The following CES2 variants were observed in gnomAD, a reference collection of about 807,000 sequenced individuals.
CES2 encodes cocaine esterase.
A neutral mutation model predicts 52.1 loss-of-function variants in CES2; 42 were observed. The ratio of observed to expected loss-of-function variants is 0.81; its 90% CI spans 0.63 to 1.04. The LOEUF (loss-of-function observed/expected upper bound fraction) is 1.04, where lower values mean the gene tolerates loss of function less well. Ranked by LOEUF, CES2 falls within the 50% of genes least tolerant of loss-of-function variation. CES2 has a pLI of 0.00. For missense variants in CES2, 656 were observed against 724.3 expected (o/e 0.91, Z 1.08); for synonymous variants, 277 against 289.6 (o/e 0.96, Z 0.44).
At chr16:66,942,393 A>C in intron 9 of CES2, 144 bp downstream of exon 9, 7 of 947,342 alleles carry the variant, frequency 7.4e-6, no homozygotes, top group Non-Finnish European at 1.1e-5. Flanking sequence ...GTAAATCCTC[A>C]TGGCTAGCCC....
In CES2 at chr16:66,940,294, G is replaced by A. The variant is rs1567548105; in HGVS notation, c.496G>A (p.Ala166Thr). The A allele has an allele frequency of 1.2e-6, 2 of 1,614,142 alleles. No individual in the cohort carries two copies. Among genetic ancestry groups the A allele is most frequent in the Non-Finnish European group, 1.7e-6 (2 of 1,180,028 alleles). Residue 166 changes from alanine to threonine, a missense_variant, in exon 4 of 12, where the codon GCC becomes ACC. By Grantham distance (58) the Ala-to-Thr change is moderately conservative (BLOSUM62 0). Transcript: ENST00000317091. Reference protein sequence around the residue: ...ASLYDGSMLAALENVVVVIIQ... With the variant: ...ASLYDGSMLATLENVVVVIIQ... ...CTTGTATGATGGTTCCATGCTGGCT[G>A]CCTTGGAGAACGTGGTGGTGGTCAT...
chr16:66,941,345 T>C lies in CES2; in HGVS notation c.915+123T>C, dbSNP rs555079382. 4 of 1,522,774 alleles carry C rather than the reference T, an allele frequency of 2.6e-6. No individual in the cohort carries two copies. The African/African-American group carries it at 5.5e-5, about 21-fold the overall frequency. 94.3% of individuals were successfully genotyped at this position (1,522,774 alleles called of 1,614,324 possible). ...TCTGCATGCCTGAGTGTCATAGCCC[T>C]GGGTCGGGACTGAAGGTCGGTGCAT... On this transcript the variant is annotated intron_variant, in intron 6 of 11. Coordinates refer to ENST00000317091, the MANE Select transcript of CES2 (RefSeq NM_001365405.1).
chr16:66,942,248 G>T lies in CES2; in HGVS notation c.1281G>T (p.Gln427His). 6.2e-7 allele frequency: 1 copy of T among 1,609,704 alleles called. No homozygotes were observed. Among genetic ancestry groups the T allele is most frequent in the East Asian group, 2.2e-5 (1 of 44,796 alleles). Residue 427 changes from glutamine (Q) to histidine (H), a missense_variant and splice_region_variant, in exon 9 of 12, where the codon CAG (glutamine) becomes CAT (histidine). Transcript: ENST00000317091. Reference sequence around the variant, plus strand: ...CTGCACTCCAAGTAGCACATTTTCAGTGTGAGTATATTTGGACCAAAGCCT... The same window carrying T: ...CTGCACTCCAAGTAGCACATTTTCATTGTGAGTATATTTGGACCAAAGCCT... ...VIPALQVAHFQCSRAPVYFYE... is the reference protein window; with the variant it reads ...VIPALQVAHFHCSRAPVYFYE...
Position 66,943,249 on chromosome 16 carries a change from G to A in CES2, c.1421-50G>A. The A allele has an allele frequency of 6.3e-7, 1 of 1,594,414 alleles. No individual in the cohort carries two copies. Among genetic ancestry groups the A allele is most frequent in the Non-Finnish European group, 8.6e-7 (1 of 1,163,640 alleles). On this transcript the variant is annotated intron_variant, in intron 10 of 11. Transcript: ENST00000317091. The surrounding 1 kb of genome is among the most constrained non-coding windows in gnomAD (Gnocchi z 4.2). ...GCCAAGGACGAGCTCCACCTGGGAT[G>A]CTGAGGTTGGACATCCTGATGAAGA...
intron 3 of CES2, 29 bp downstream of exon 3, chr16:66,939,387 G>A (rs772005229): frequency 3.7e-6 from 6 of 1,612,156 alleles, no homozygotes; most frequent in South Asian, 1.1e-5. Flanking sequence ...TTCACTGGGG[G>A]TTGGAGGACA....
Position 66,938,120 on chromosome 16 carries a change from G to C in CES2, c.160G>C (p.Gly54Arg), listed in dbSNP as rs564606983. 1 of 1,614,118 alleles carries C rather than the reference G, an allele frequency of 6.2e-7. No individual in the cohort carries two copies. The highest frequency in any genetic ancestry group is 8.5e-7 in the Non-Finnish European group (1 of 1,179,998). Residue 54 changes from glycine to arginine, a missense_variant, in exon 2 of 12, where the codon GGG (glycine) becomes CGG (arginine). By Grantham distance (125) the Gly-to-Arg change is moderately radical (BLOSUM62 -2). Transcript: ENST00000317091. Reference sequence around the variant, plus strand: ...TGTCCATGTGAAGGGCGCCAATGCCGGGGTCCAAACCTTCCTGGGAATTCC... The same window carrying C: ...TGTCCATGTGAAGGGCGCCAATGCCCGGGTCCAAACCTTCCTGGGAATTCC... ...SLVHVKGANAGVQTFLGIPFA... is the reference protein window; with the variant it reads ...SLVHVKGANARVQTFLGIPFA...
chr16:66,942,452 G>A lies in CES2; in HGVS notation c.1283-196G>A, dbSNP rs568579343. On this transcript the variant is annotated intron_variant, in intron 9 of 11. Transcript: ENST00000317091. ...TCACAGACGAGCAAATTGAAGTTAG[G>A]GACCTTCAGTGACTTGCCCAAGATG... The A allele has an allele frequency of 2.5e-5, 20 of 796,352 alleles. No individual in the cohort carries two copies. In the African/African-American group the frequency reaches 3.1e-4, roughly 12 times the overall value. 49.3% of individuals were successfully genotyped at this position (796,352 alleles called of 1,614,324 possible). A position where few individuals can be genotyped will look rare whatever the true frequency, so the allele number is the denominator to read the frequency against.
At position 66,943,378 on chromosome 16, in the gene CES2, C is replaced by G. The variant is rs1174579766; in HGVS notation, c.1493+7C>G. The G allele has an allele frequency of 1.2e-6, 2 of 1,613,994 alleles. No individual in the cohort carries two copies. Among genetic ancestry groups the G allele is most frequent in the Non-Finnish European group, 8.5e-7 (1 of 1,179,922 alleles). On this transcript the variant is annotated splice_region_variant and intron_variant, in intron 11 of 11. Coordinates refer to ENST00000317091, the MANE Select transcript of CES2 (RefSeq NM_001365405.1). This position sits in a 1 kb window ranked among gnomAD's most constrained non-coding sequence, Gnocchi z 4.2. ...CCAACTTTGCGAGAAATGGGTGAGA[C>G]AGCACACCCCTGCCTCAACCTCCCC...
rs926447283 is a variant in CES2 at position 66,935,845 on chromosome 16, A to T, written c.76+134A>T. The T allele has an allele frequency of 9.7e-6, 15 of 1,545,572 alleles. No individual in the cohort carries two copies. In the African/African-American group the frequency reaches 2.0e-4, roughly 21 times the overall value. ...TGGAGATGACAGCGTGGAACTCGTG[A>T]GCCCCACGCAACGCCTCCCCGCCGC... On this transcript the variant is annotated intron_variant, in intron 1 of 11. Transcript: ENST00000317091.
chr16:66,938,011 C>G (rs748494673), intron 1 of CES2, 26 bp from the exon 2 acceptor site: 6 of 1,602,828 alleles, frequency 3.7e-6, no homozygotes, highest in East Asian at 4.5e-5. Flanking sequence ...CAAACCCAAC[C>G]GTGATGTCTG....
At chr16:66,940,800 C>T (rs1465735999) in intron 5 of CES2, 105 bp downstream of exon 5, 4 of 1,388,194 alleles carry the variant, frequency 2.9e-6, no homozygotes, top group East Asian at 2.5e-5. Context: ...GGAGCATGCT[C>T]CAGGAGCTGC....
rs1027708917 is a variant in CES2, at chr16:66,936,103, C to A, written c.76+392C>A. 5.5e-6 allele frequency: 5 copies of A among 911,750 alleles called. No individual in the cohort carries two copies. In the African/African-American group the frequency reaches 8.6e-5, roughly 16 times the overall value. 56.5% of individuals were successfully genotyped at this position (911,750 alleles called of 1,614,324 possible). On this transcript the variant is annotated intron_variant, in intron 1 of 11. Coordinates refer to ENST00000317091, the MANE Select transcript of CES2 (RefSeq NM_001365405.1). ...TAACAGTAATAGCTTCTGGCAGCAT[C>A]TGGCTCTCAGTGTGTGGCGTCCTTG...
In CES2 at chr16:66,944,201, G is replaced by T; in HGVS notation, c.*176G>T. On this transcript the variant is annotated 3_prime_UTR_variant, in exon 12 of 12. Coordinates refer to ENST00000317091, the MANE Select transcript of CES2 (RefSeq NM_001365405.1). Reference sequence around the variant, plus strand: ...ATTAAGAATTTACTCAGGCATGATGGCCCATACTTGTAATCCCAGCTATTG... The same window carrying T: ...ATTAAGAATTTACTCAGGCATGATGTCCCATACTTGTAATCCCAGCTATTG... The T allele has an allele frequency of 2.3e-6, 1 of 443,432 alleles. No individual in the cohort carries two copies. The highest frequency in any genetic ancestry group is 3.5e-5 in the East Asian group (1 of 28,454). 27.5% of individuals were successfully genotyped at this position (443,432 alleles called of 1,614,324 possible).
rs531650688 is a variant in CES2 at position 66,939,579 on chromosome 16, G to A, written c.423+221G>A. ...CCCAGAGGTCAAAGGCTGTGGCTCT[G>A]GGCTGGACCCAGGACTCACTCAGCC... On this transcript the variant is annotated intron_variant, in intron 3 of 11. Coordinates refer to ENST00000317091, the MANE Select transcript of CES2 (RefSeq NM_001365405.1). 5.6e-4 allele frequency among the ~76,000 whole-genome samples: 86 copies of A among 152,344 alleles called. 1 individual carries two copies. The highest frequency in any genetic ancestry group is 2.0e-3 in the African/African-American group (82 of 41,580).
At position 66,943,837 on chromosome 16, in the gene CES2, A is replaced by G; in HGVS notation, c.1494-2A>G. 6.3e-7 allele frequency: 1 copy of G among 1,588,550 alleles called. No homozygotes were observed. Among genetic ancestry groups the G allele is most frequent in the South Asian group, 1.1e-5 (1 of 88,628 alleles). ...TGCCCTGCTGGGATGGCATGTCTACAGGAACCCCAATGGCGAGGGTCTGCC... is the reference window on the plus strand; with the variant it reads ...TGCCCTGCTGGGATGGCATGTCTACGGGAACCCCAATGGCGAGGGTCTGCC... On this transcript the variant is annotated splice_acceptor_variant, in intron 11 of 11. Coordinates refer to ENST00000317091, the MANE Select transcript of CES2 (RefSeq NM_001365405.1). LOFTEE classifies it high-confidence loss of function. The surrounding 1 kb of genome is among the most constrained non-coding windows in gnomAD (Gnocchi z 4.2).
chr16:66,936,246 G>A (rs1297064787), intron 1 of CES2, among the ~76,000 whole-genome samples: 1 of 152,278 alleles, frequency 6.6e-6, no homozygotes, highest in South Asian at 2.1e-4. Flanking sequence ...ACAGTGGCTG[G>A]GTGCGATTGG....
At position 66,944,872 on chromosome 16, in the gene CES2, C is replaced by T. The variant is rs1216983908; in HGVS notation, c.*847C>T. 1 of 152,310 alleles carries T rather than the reference C, an allele frequency of 6.6e-6. No individual in the cohort carries two copies. The highest frequency in any genetic ancestry group is 1.9e-4 in the East Asian group (1 of 5,198). 9.4% of individuals were successfully genotyped at this position (152,310 alleles called of 1,614,324 possible). ...CCACTGAGCTGTGGATGGGCAAACC[C>T]CGGTGGAATCCCACCCTCCCCAACA... On this transcript the variant is annotated 3_prime_UTR_variant, in exon 12 of 12. Transcript: ENST00000317091.
intron 6 of CES2, 71 bp downstream of exon 6, chr16:66,941,293 G>A (rs377228923): frequency 2.4e-5 from 38 of 1,578,434 alleles, no homozygotes; most frequent in South Asian, 2.1e-4. Flanking sequence ...CTGCACGGCC[G>A]TCATATTCCC....
chr16:66,943,767 G>T lies in CES2; in HGVS notation c.1494-72G>T. On this transcript the variant is annotated intron_variant, in intron 11 of 11. Coordinates refer to ENST00000317091, the MANE Select transcript of CES2 (RefSeq NM_001365405.1). The surrounding 1 kb of genome is among the most constrained non-coding windows in gnomAD (Gnocchi z 4.2). The stretch of plus-strand genomic sequence containing the variant: ...TGGCTGCCTTGCCTGACCAGACTCA[G>T]GGTGCTCAGGTCTGGGCTTCGGGGG... 5 of 1,305,374 alleles carry T rather than the reference G, an allele frequency of 3.8e-6. No homozygotes were observed. Among genetic ancestry groups the T allele is most frequent in the South Asian group, 1.5e-5 (1 of 66,016 alleles). The allele number at this position is 1,305,374 out of a possible 1,614,324, so 80.9% of individuals were successfully genotyped here. A position where few individuals can be genotyped will look rare whatever the true frequency, so the allele number is the denominator to read the frequency against.
Sources: allele counts gnomAD v4.1 joint callset (sites outside exome capture counted in the v4.1 genomes callset), GRCh38; gene constraint gnomAD v4.1.1; non-coding constraint Gnocchi (gnomAD v3.1); transcripts MANE v1.5; gene names NCBI Gene and HGNC (gene_info 2026-07-23, HGNC 2026-07-21).